The following ITFG1 variants were observed in gnomAD, a reference collection of about 807,000 sequenced individuals.
The protein encoded by ITFG1 is integrin alpha FG-GAP repeat containing 1.
A neutral mutation model predicts 81.8 loss-of-function variants in ITFG1; 34 were observed. The observed-to-expected ratio is 0.42, with a 90% CI of 0.32 to 0.55. ITFG1 has a LOEUF of 0.55. Ranked by LOEUF, ITFG1 falls within the 20% of genes least tolerant of loss-of-function variation. The pLI, the probability that ITFG1 is intolerant of heterozygous loss-of-function variation, is 0.17. For synonymous variants in ITFG1, 285 were observed against 270.6 expected, an observed-to-expected ratio of 1.05 and a Z score of -0.52; for missense variants, 672 against 755.4, an observed-to-expected ratio of 0.89 and a Z score of 1.29.
At chr16:47,244,589 TTTTGTG>T (rs1965974891) in intron 12 of ITFG1, among the ~76,000 whole-genome samples, 1 of 140,788 alleles carries the variant, frequency 7.1e-6, no homozygotes, top group African/African-American at 2.6e-5. Context: ...GTATTCCATC[TTTTGTG>T]TGTGTGTGTG....
At chr16:47,411,321 C>T (rs1327537886) in intron 6 of ITFG1, among the ~76,000 whole-genome samples, 2 of 152,144 alleles carry the variant, frequency 1.3e-5, no homozygotes, top group African/African-American at 4.8e-5. Flanking sequence ...GTCCTACAAC[C>T]ACAACACAAC....
chr16:47,446,637 G>C (rs572897509), intron 5 of ITFG1, among the ~76,000 whole-genome samples: 1 of 152,226 alleles, frequency 6.6e-6, no homozygotes, highest in East Asian at 1.9e-4. Context: ...TCAGGAGCTA[G>C]AACTCAGAGC....
chr16:47,196,004 A>G (rs1965353022), intron 14 of ITFG1, among the ~76,000 whole-genome samples: 1 of 152,126 alleles, frequency 6.6e-6, no homozygotes, highest in Non-Finnish European at 1.5e-5. Flanking sequence ...ACAGAATTGT[A>G]GGTTGGTGTT....
At chr16:47,421,545 C>T (rs935316423) in intron 6 of ITFG1, among the ~76,000 whole-genome samples, 12 of 152,062 alleles carry the variant, frequency 7.9e-5, no homozygotes, top group Admixed American at 3.3e-4. Flanking sequence ...CCTCATGATC[C>T]GCCCGCCTTG....
intron 14 of ITFG1, among the ~76,000 whole-genome samples, chr16:47,193,968 G>A (rs1965324223): frequency 6.6e-6 from 1 of 152,122 alleles, no homozygotes; most frequent in Non-Finnish European, 1.5e-5. Context: ...CCTCAATGAA[G>A]TTAAGAAATA....
chr16:47,440,749 T>G (rs1969237178), intron 5 of ITFG1, among the ~76,000 whole-genome samples: 1 of 151,826 alleles, frequency 6.6e-6, no homozygotes, highest in Non-Finnish European at 1.5e-5. Context: ...GATCTAAAAT[T>G]GACACCCTAA....
intron 6 of ITFG1, among the ~76,000 whole-genome samples, chr16:47,378,708 T>C (rs1421993944): frequency 6.6e-6 from 1 of 152,000 alleles, no homozygotes; most frequent in African/African-American, 2.4e-5. Flanking sequence ...TATTCAATTA[T>C]GTAAAGGGGC....
At position 47,419,202 on chromosome 16, in the gene ITFG1, G is replaced by A. The variant is rs1486240136; in HGVS notation, c.655+9602C>T. Among the ~76,000 whole-genome samples the A allele has an allele frequency of 5.9e-5, 9 of 152,212 alleles. No individual in the cohort carries two copies. The South Asian group carries it at 6.2e-4, about 11-fold the overall frequency. ...CTGTCTATGTTGTCCAAGGTGGAGCGTAGTTGCTATTCACAGCTGCAATCA... is the reference window on the plus strand; with the variant it reads ...CTGTCTATGTTGTCCAAGGTGGAGCATAGTTGCTATTCACAGCTGCAATCA... On this transcript the variant is annotated intron_variant, in intron 6 of 17. Transcript: ENST00000320640.
intron 6 of ITFG1, among the ~76,000 whole-genome samples, chr16:47,397,857 G>A (rs558156105): frequency 3.3e-5 from 5 of 152,252 alleles, no homozygotes; most frequent in East Asian, 3.9e-4. Flanking sequence ...AGGCAGCCAC[G>A]GGAACTAGCC....
In ITFG1 at chr16:47,438,223, G is replaced by A. The variant is rs1298807100; in HGVS notation, c.561-9325C>T. On this transcript the variant is annotated intron_variant, in intron 5 of 17. Transcript: ENST00000320640. ...GTGGAGGCCACCACAGCTCAAGGAG[G>A]CCTGCCTGCCTGCCTCTGTAGGCTC... Among the ~76,000 whole-genome samples the A allele has an allele frequency of 3.3e-5, 5 of 152,188 alleles. No homozygotes were observed. The South Asian group carries it at 8.3e-4, about 25-fold the overall frequency.
chr16:47,261,552 T>A (rs1012500765), intron 10 of ITFG1, among the ~76,000 whole-genome samples: 7 of 152,384 alleles, frequency 4.6e-5, no homozygotes, highest in African/African-American at 1.7e-4. Context: ...TGTTATTTTA[T>A]GTAATAGCTC....
chr16:47,186,836 C>T (rs948923507), intron 14 of ITFG1, among the ~76,000 whole-genome samples: 41 of 152,244 alleles, frequency 2.7e-4, no homozygotes, highest in East Asian at 1.5e-3. Context: ...TGTTTGCAGA[C>T]GACATGACTG....
intron 10 of ITFG1, among the ~76,000 whole-genome samples, chr16:47,280,572 A>G (rs1027174394): frequency 6.6e-6 from 1 of 152,190 alleles, no homozygotes; most frequent in African/African-American, 2.4e-5. Context: ...TTTCCTGAGC[A>G]ATAGGAGCAT....
At chr16:47,339,333 T>C (rs28797865) in intron 8 of ITFG1, among the ~76,000 whole-genome samples, 2,173 of 152,322 alleles carry the variant, frequency 0.014, 59 homozygotes, top group African/African-American at 0.05. Context: ...AGGATCCACA[T>C]GGTAGCTCTA....
intron 12 of ITFG1, among the ~76,000 whole-genome samples, chr16:47,242,493 C>T (rs1204766467): frequency 6.6e-6 from 1 of 151,890 alleles, no homozygotes; most frequent in Admixed American, 6.6e-5. Context: ...TACTACAGTA[C>T]ATTTTATAAA....
At chr16:47,390,086 A>G (rs1371766722) in intron 6 of ITFG1, among the ~76,000 whole-genome samples, 1 of 152,214 alleles carries the variant, frequency 6.6e-6, no homozygotes, top group Non-Finnish European at 1.5e-5. Context: ...TCCACGTGGA[A>G]AGAAAAGCAG....
intron 10 of ITFG1, among the ~76,000 whole-genome samples, chr16:47,261,479 A>G (rs1966208595): frequency 1.3e-5 from 2 of 152,230 alleles, no homozygotes; most frequent in Non-Finnish European, 2.9e-5. Context: ...CATTTTTACT[A>G]TAGAATGCAA....
chr16:47,455,256 C>T (rs996937606), intron 2 of ITFG1, among the ~76,000 whole-genome samples: 3 of 152,090 alleles, frequency 2.0e-5, no homozygotes, highest in African/African-American at 7.2e-5. Flanking sequence ...TGTGAGTAGA[C>T]ACCTGCCTTC....
chr16:47,267,363 A>C (rs1966288915), intron 10 of ITFG1, among the ~76,000 whole-genome samples: 1 of 152,238 alleles, frequency 6.6e-6, no homozygotes, highest in Non-Finnish European at 1.5e-5. Flanking sequence ...TCTAGAGAAC[A>C]TAAGAATCCT....
Sources: gnomAD v4.1 joint callset for allele counts (sites outside exome capture counted in the v4.1 genomes callset) on GRCh38, gnomAD v4.1.1 for gene constraint, MANE v1.5 for transcripts, NCBI Gene and HGNC (gene_info 2026-07-23, HGNC 2026-07-21) for gene names.